The following DBF4 variants were observed in gnomAD, a reference collection of about 807,000 sequenced individuals.
DBF4 encodes protein DBF4 homolog A.
In DBF4, 25 loss-of-function variants were observed where a neutral mutation model predicts 76.6. The ratio of observed to expected loss-of-function variants is 0.33; its 90% CI spans 0.24 to 0.46. The LOEUF is 0.46. Ranked by LOEUF, DBF4 falls within the 20% of genes least tolerant of loss-of-function variation. DBF4 has a pLI of 1.00. For missense variants in DBF4, 638 were observed against 760.8 expected, an observed-to-expected ratio of 0.84 and a Z score of 1.90; for synonymous variants, 213 against 258.0, an observed-to-expected ratio of 0.83 and a Z score of 1.67.
chr7:87,883,916 A>G (rs539270370), intron 2 of DBF4, among the ~76,000 whole-genome samples: 1 of 152,314 alleles, frequency 6.6e-6, no homozygotes, highest in East Asian at 1.9e-4. Context: ...TTTTTCTAAT[A>G]ATATTAGTAA....
Position 87,907,409 on chromosome 7 carries a change from G to A in DBF4, c.1271G>A (p.Arg424Lys), listed in dbSNP as rs1449127958. ...EPIPHPSNEL[R>K]GLNEKMSNKC... The stretch of plus-strand genomic sequence containing the variant: ...ATCCCCCACCCTTCAAATGAATTGA[G>A]AGGGCTTAATGAGAAAATGAGTAAT... Residue 424 changes from arginine (R) to lysine (K), a missense_variant, in exon 12 of 12, where the codon AGA becomes AAA. Coordinates refer to ENST00000265728, the MANE Select transcript of DBF4 (RefSeq NM_006716.4). 6.2e-7 allele frequency: 1 copy of A among 1,614,042 alleles called. No homozygotes were observed. Among genetic ancestry groups the A allele is most frequent in the South Asian group, 1.1e-5 (1 of 91,078 alleles).
chr7:87,887,314 C>CT lies in DBF4; in HGVS notation c.451-5dup, dbSNP rs750054692. On this transcript the variant is annotated splice_polypyrimidine_tract_variant and intron_variant, in intron 4 of 11. Transcript: ENST00000265728. ...ATAATTTCCTAGAACAACCATAAAA[C>CT]TTTTTTTTTTACAGGATTTTATTCC... 4,475 of 1,316,726 alleles carry CT rather than the reference C, an allele frequency of 3.4e-3. 1 individual carries two copies. The highest frequency in any genetic ancestry group is 5.9e-3 in the African/African-American group (393 of 66,182). The allele number at this position is 1,316,726 out of a possible 1,614,324, so 81.6% of individuals were successfully genotyped here. A position where few individuals can be genotyped will look rare whatever the true frequency, so the allele number is the denominator to read the frequency against.
At chr7:87,906,337 T>C (rs1839914249) in intron 11 of DBF4, among the ~76,000 whole-genome samples, 1 of 151,590 alleles carries the variant, frequency 6.6e-6, no homozygotes, top group Non-Finnish European at 1.5e-5. Flanking sequence ...TTTTTTTTTT[T>C]TTTACATTTT....
At chr7:87,896,215 A>G in intron 6 of DBF4, 1 of 347,632 alleles carries the variant, frequency 2.9e-6, no homozygotes, top group South Asian at 4.3e-5. Context: ...ATGACTTTTA[A>G]AAAAACATTT....
chr7:87,884,083 A>G (rs896417467), intron 2 of DBF4, among the ~76,000 whole-genome samples: 3 of 152,102 alleles, frequency 2.0e-5, no homozygotes, highest in Non-Finnish European at 4.4e-5. Flanking sequence ...ACAGTCTTAC[A>G]CTCTTAAGCG....
At chr7:87,892,807 A>C (rs117381214) in intron 6 of DBF4, among the ~76,000 whole-genome samples, 3,454 of 152,224 alleles carry the variant, frequency 0.023, 53 homozygotes, top group Non-Finnish European at 0.032. Flanking sequence ...CTGTGGGGTT[A>C]CTTTTATCAT....
intron 8 of DBF4, among the ~76,000 whole-genome samples, chr7:87,899,796 G>C (rs1839726052): frequency 6.6e-6 from 1 of 152,192 alleles, no homozygotes; most frequent in African/African-American, 2.4e-5. Flanking sequence ...CACTCCTGAA[G>C]CATCTACGTT....
chr7:87,903,953 C>T (rs111945722), intron 10 of DBF4, among the ~76,000 whole-genome samples: 14 of 152,286 alleles, frequency 9.2e-5, no homozygotes, highest in African/African-American at 3.1e-4. Context: ...ACCTCGGCCT[C>T]CCAGAGTGCT....
intron 10 of DBF4, among the ~76,000 whole-genome samples, chr7:87,902,532 GAATA>G (rs1389870881): frequency 2.0e-5 from 3 of 152,090 alleles, no homozygotes; most frequent in Non-Finnish European, 4.4e-5. Flanking sequence ...AGTGCAATGG[GAATA>G]AATAATGAGG....
At chr7:87,903,620 G>C (rs1456891488) in intron 10 of DBF4, among the ~76,000 whole-genome samples, 2 of 150,862 alleles carry the variant, frequency 1.3e-5, no homozygotes, top group Admixed American at 1.3e-4. Context: ...AGTGATAATT[G>C]CATGAAGACA....
At chr7:87,894,687 A>G (rs1839587613) in intron 6 of DBF4, among the ~76,000 whole-genome samples, 1 of 152,206 alleles carries the variant, frequency 6.6e-6, no homozygotes, top group Non-Finnish European at 1.5e-5. Flanking sequence ...AAAAAGAATC[A>G]TGAATTGAGA....
rs766618381 is a variant in DBF4, at chr7:87,907,543, T to C, written c.1405T>C (p.Leu469=). Residue 469 remains leucine (L), a synonymous_variant, in exon 12 of 12, where the codon TTA becomes CTA. Transcript: ENST00000265728. ...CATTCTTGACATTTCCGAACACACA[T>C]TAAGTGAAAATGACTTAGAAGAACT... ...ECILDISEHT[L]SENDLEELRV... 45 of 1,613,924 alleles carry C rather than the reference T, an allele frequency of 2.8e-5. No homozygotes were observed. Among genetic ancestry groups the C allele is most frequent in the Admixed American group, 6.7e-5 (4 of 60,002 alleles).
intron 11 of DBF4, among the ~76,000 whole-genome samples, chr7:87,905,263 T>A (rs979327101): frequency 2.6e-5 from 4 of 152,248 alleles, no homozygotes; most frequent in African/African-American, 7.2e-5. Context: ...TGGATATGAC[T>A]GTATTTTGAC....
Position 87,876,704 on chromosome 7 carries a change from A to C in DBF4, c.-29A>C. The C allele has an allele frequency of 1.9e-6, 3 of 1,613,602 alleles. No individual in the cohort carries two copies. The highest frequency in any genetic ancestry group is 2.5e-6 in the Non-Finnish European group (3 of 1,179,882). On this transcript the variant is annotated 5_prime_UTR_variant, in exon 1 of 12. Coordinates refer to ENST00000265728, the MANE Select transcript of DBF4 (RefSeq NM_006716.4). ...CTGCCCGGTGCGACACTTTCTCCGG[A>C]CCCAGCATGTAGGTGCCGGGCGACT...
rs1584358067 is a variant in DBF4 at position 87,887,851 on chromosome 7, A to C, written c.521-132A>C. ...TTTCAACATGAGTTTTAGAGGAGAC[A>C]AACATTCAGACCATAGCATAAGAGA... On this transcript the variant is annotated intron_variant, in intron 5 of 11. Transcript: ENST00000265728. The C allele has an allele frequency of 1.9e-5, 17 of 904,948 alleles. No individual in the cohort carries two copies. The East Asian group carries it at 5.6e-4, about 30-fold the overall frequency. The allele number at this position is 904,948 out of a possible 1,614,324, so 56.1% of individuals were successfully genotyped here.
Position 87,907,739 on chromosome 7 carries a change from TAACA to T in DBF4, c.1603_1606del (p.Thr535Ter). 1 of 1,614,070 alleles carries T rather than the reference TAACA, an allele frequency of 6.2e-7. No homozygotes were observed. Among genetic ancestry groups the T allele is most frequent in the Non-Finnish European group, 8.5e-7 (1 of 1,179,950 alleles). The stretch of plus-strand genomic sequence containing the variant: ...ATATTTACTCATGATTCTGGTCTGA[TAACA>T]ATAAACAGTTCACAAGAGCACCTAA... On this transcript the variant is annotated frameshift_variant, in exon 12 of 12. Transcript: ENST00000265728. LOFTEE classifies it high-confidence loss of function.
intron 2 of DBF4, among the ~76,000 whole-genome samples, chr7:87,883,235 T>C (rs1839259903): frequency 6.6e-6 from 1 of 151,972 alleles, no homozygotes; most frequent in South Asian, 2.1e-4. Context: ...ATTTCAGAGA[T>C]GGAAAGTAGA....
chr7:87,907,544 T>C lies in DBF4; in HGVS notation c.1406T>C (p.Leu469Ser). 1.9e-6 allele frequency: 3 copies of C among 1,614,058 alleles called. No homozygotes were observed. In the Admixed American group the frequency reaches 5.0e-5, roughly 27 times the overall value. ...ECILDISEHT[L>S]SENDLEELRV... Reference sequence around the variant, plus strand: ...ATTCTTGACATTTCCGAACACACATTAAGTGAAAATGACTTAGAAGAACTA... The same window carrying C: ...ATTCTTGACATTTCCGAACACACATCAAGTGAAAATGACTTAGAAGAACTA... Residue 469 changes from leucine to serine, a missense_variant, in exon 12 of 12, where the codon TTA (leucine) becomes TCA (serine). Transcript: ENST00000265728.
In DBF4 at chr7:87,908,840, G is replaced by A. The variant is rs1042812333; in HGVS notation, c.*677G>A. On this transcript the variant is annotated 3_prime_UTR_variant, in exon 12 of 12. Coordinates refer to ENST00000265728, the MANE Select transcript of DBF4 (RefSeq NM_006716.4). ...TCATGCCACAGGATCCCAGCACTTT[G>A]GGAGGCCGAGGCAGGCTGATCACGA... 3 of 152,200 alleles carry A rather than the reference G, an allele frequency of 2.0e-5. No individual in the cohort carries two copies. The highest frequency in any genetic ancestry group is 2.9e-5 in the Non-Finnish European group (2 of 68,052). The allele number at this position is 152,200 out of a possible 1,614,324, so 9.4% of individuals were successfully genotyped here.
Sources: gnomAD v4.1 joint callset for allele counts (sites outside exome capture counted in the v4.1 genomes callset) on GRCh38, gnomAD v4.1.1 for gene constraint, MANE v1.5 for transcripts, NCBI Gene and HGNC (gene_info 2026-07-23, HGNC 2026-07-21) for gene names.